TNIK: variants seen among roughly 807,000 people sequenced by gnomAD.
TNIK encodes the protein TRAF2 and NCK-interacting protein kinase.
Under a neutral mutation model 191.3 loss-of-function variants are expected in TNIK, and 49 were observed. The ratio of observed to expected loss-of-function variants is 0.26; its 90% CI spans 0.20 to 0.32. TNIK has a LOEUF of 0.32. TNIK is among the 10% of genes least tolerant of loss of function. The pLI, the probability that TNIK is intolerant of heterozygous loss-of-function variation, is 1.00. For missense variants in TNIK, 1,155 were observed against 1,702.3 expected (o/e 0.68, Z 5.66); for synonymous variants, 594 against 600.9 (o/e 0.99, Z 0.17).
intron 26 of TNIK, 29 bp downstream of exon 26, chr3:171,084,126 A>G: frequency 2.1e-6 from 2 of 931,450 alleles, no homozygotes; most frequent in Non-Finnish European, 2.9e-6. Flanking sequence ...GGTTATTTAA[A>G]AAAAAAAAAA....
intron 18 of TNIK, among the ~76,000 whole-genome samples, chr3:171,112,093 G>A (rs1248994125): frequency 6.6e-6 from 1 of 152,160 alleles, no homozygotes; most frequent in Non-Finnish European, 1.5e-5. Context: ...ACTATGTGAG[G>A]TGATGGATAT....
intron 9 of TNIK, among the ~76,000 whole-genome samples, chr3:171,173,156 G>A (rs1306932719): frequency 5.3e-5 from 8 of 151,420 alleles, no homozygotes; most frequent in African/African-American, 9.7e-5. Flanking sequence ...AGGCCGAGGC[G>A]GGCGGATCAT....
chr3:171,310,712 CTT>C lies in TNIK; in HGVS notation c.123+58906_123+58907del, dbSNP rs373006253. ...ATTCTACACAGTTGTTAAGCAATCT[CTT>C]GTTACATGTTCATATTTGATATTTA... On this transcript the variant is annotated intron_variant, in intron 2 of 32. Coordinates refer to ENST00000436636, the MANE Select transcript of TNIK (RefSeq NM_015028.4). Among the ~76,000 whole-genome samples, 111 of 152,184 alleles carry C rather than the reference CTT, an allele frequency of 7.3e-4. 1 individual carries two copies. The South Asian group carries it at 0.021, about 29-fold the overall frequency.
At chr3:171,357,913 G>A (rs1043292522) in intron 2 of TNIK, among the ~76,000 whole-genome samples, 2 of 152,122 alleles carry the variant, frequency 1.3e-5, no homozygotes, top group Non-Finnish European at 2.9e-5. Context: ...GGGAGGCAGA[G>A]GTCATGTCAT....
At chr3:171,082,210 C>T (rs752147015) in intron 27 of TNIK, 41 bp downstream of exon 27, 7 of 1,597,304 alleles carry the variant, frequency 4.4e-6, no homozygotes, top group South Asian at 2.3e-5. Flanking sequence ...ATCCCTTTCC[C>T]GCTGTATGGA....
intron 21 of TNIK, among the ~76,000 whole-genome samples, chr3:171,104,077 GGAAAT>G (rs1560114682): frequency 6.6e-6 from 1 of 151,678 alleles, no homozygotes; most frequent in Non-Finnish European, 1.5e-5. Flanking sequence ...TAAACTTAAA[GGAAAT>G]TTTCAATTAA....
chr3:171,367,600 G>A (rs993869723), intron 2 of TNIK, among the ~76,000 whole-genome samples: 3 of 152,148 alleles, frequency 2.0e-5, no homozygotes, highest in Middle Eastern at 3.4e-3. Context: ...CTCTCGAGTA[G>A]CTGAGATTAC....
chr3:171,359,495 G>T (rs1214426152), intron 2 of TNIK, among the ~76,000 whole-genome samples: 1 of 152,088 alleles, frequency 6.6e-6, no homozygotes, highest in East Asian at 1.9e-4. Flanking sequence ...GGAACAAAAT[G>T]GACACAGTAG....
At chr3:171,139,378 G>GCACGCACA (rs1553830158) in intron 14 of TNIK, 92 bp downstream of exon 14, 3 of 692,882 alleles carry the variant, frequency 4.3e-6, no homozygotes, top group Non-Finnish European at 2.5e-6. Context: ...ACGCACGCGC[G>GCACGCACA]CACACACACA....
At chr3:171,211,413 C>T (rs1029347357) in intron 3 of TNIK, among the ~76,000 whole-genome samples, 172 bp from the exon 4 acceptor site, 13 of 152,090 alleles carry the variant, frequency 8.5e-5, no homozygotes, top group African/African-American at 2.2e-4. Flanking sequence ...CATTGGCTGT[C>T]CAAGAGACTC....
At chr3:171,290,599 A>G (rs753434154) in intron 2 of TNIK, among the ~76,000 whole-genome samples, 3 of 152,222 alleles carry the variant, frequency 2.0e-5, no homozygotes, top group Admixed American at 6.5e-5. Context: ...CTAACATATC[A>G]TGGGCTACTT....
At chr3:171,170,767 C>G (rs1469906269) in intron 9 of TNIK, among the ~76,000 whole-genome samples, 2 of 152,178 alleles carry the variant, frequency 1.3e-5, no homozygotes, top group African/African-American at 4.8e-5. Context: ...ATCCCCACTT[C>G]TGGCCAGGTG....
chr3:171,211,786 T>C (rs935529581), intron 3 of TNIK, among the ~76,000 whole-genome samples: 9 of 151,942 alleles, frequency 5.9e-5, no homozygotes, highest in African/African-American at 2.2e-4. Flanking sequence ...AAAGCAGGAG[T>C]ACCCACCTCA....
At chr3:171,211,022 G>A in intron 4 of TNIK, 94 bp downstream of exon 4, 1 of 1,491,738 alleles carries the variant, frequency 6.7e-7, no homozygotes, top group Non-Finnish European at 9.1e-7. Context: ...TAAAGAAGGA[G>A]TTAATCAAAT....
At chr3:171,433,336 T>C (rs1222326007) in intron 1 of TNIK, among the ~76,000 whole-genome samples, 1 of 152,166 alleles carries the variant, frequency 6.6e-6, no homozygotes. Context: ...TTACTATATA[T>C]GCTGCTTTCA....
chr3:171,329,153 A>C (rs1177069353), intron 2 of TNIK, among the ~76,000 whole-genome samples: 1 of 152,092 alleles, frequency 6.6e-6, no homozygotes, highest in African/African-American at 2.4e-5. Context: ...TAGCTTCACT[A>C]TCTGACACGT....
intron 2 of TNIK, among the ~76,000 whole-genome samples, chr3:171,305,577 A>G (rs1419731175): frequency 1.3e-5 from 2 of 152,250 alleles, no homozygotes; most frequent in Non-Finnish European, 2.9e-5. Context: ...ACTTTTCAAA[A>G]GAAGATATAC....
At chr3:171,128,632 T>C (rs751556807) in intron 16 of TNIK, 82 bp downstream of exon 16, 1 of 1,456,964 alleles carries the variant, frequency 6.9e-7, no homozygotes, top group Admixed American at 2.4e-5. Flanking sequence ...CCTGAATCCA[T>C]GTTACAATTC....
chr3:171,297,808 A>T (rs920596148), intron 2 of TNIK, among the ~76,000 whole-genome samples: 7 of 152,372 alleles, frequency 4.6e-5, no homozygotes, highest in Middle Eastern at 3.4e-3. Flanking sequence ...GAAACTATTT[A>T]AAACCAGTTA....
Sources: gnomAD v4.1 joint callset for allele counts (sites outside exome capture counted in the v4.1 genomes callset) on GRCh38, gnomAD v4.1.1 for gene constraint, MANE v1.5 for transcripts, NCBI Gene and HGNC (gene_info 2026-07-23, HGNC 2026-07-21) for gene names.